Variants in OSBPL3 observed in about 807,000 individuals in gnomAD.
OSBPL3 encodes oxysterol-binding protein-related protein 3.
OSBPL3 carries 65 observed loss-of-function variants against 120.1 expected under a neutral mutation model. The ratio of observed to expected loss-of-function variants is 0.54; its 90% CI spans 0.44 to 0.67. The LOEUF (loss-of-function observed/expected upper bound fraction) is 0.67. Ranked by LOEUF, OSBPL3 falls within the 30% of genes least tolerant of loss-of-function variation. OSBPL3 has a pLI of 0.00. For synonymous variants in OSBPL3, 416 were observed against 402.6 expected (o/e 1.03, Z -0.40); for missense variants, 1,004 against 1,082.1 (o/e 0.93, Z 1.01).
Position 24,820,346 on chromosome 7 carries a change from T to G in OSBPL3, c.1885-108A>C. Reference sequence around the variant, plus strand: ...GATGTAACAGCGTGCAATGCTGAACTGAAGGAAAAACTTCTTTAGTTTCCC... The same window carrying G: ...GATGTAACAGCGTGCAATGCTGAACGGAAGGAAAAACTTCTTTAGTTTCCC... On this transcript the variant is annotated intron_variant, in intron 16 of 22. Transcript: ENST00000313367. This position sits in a 1 kb window ranked among gnomAD's most constrained non-coding sequence, Gnocchi z 4.6. 1.3e-6 allele frequency: 1 copy of G among 775,236 alleles called. No individual in the cohort carries two copies. Among genetic ancestry groups the G allele is most frequent in the Non-Finnish European group, 2.1e-6 (1 of 466,096 alleles). The allele number at this position is 775,236 out of a possible 1,614,324, so 48.0% of individuals were successfully genotyped here.
chr7:24,858,352 G>A (rs1295506200), intron 10 of OSBPL3, among the ~76,000 whole-genome samples: 4 of 152,206 alleles, frequency 2.6e-5, no homozygotes, highest in East Asian at 1.9e-4. Context: ...GTAACAAAAC[G>A]AGGTTTACAC....
At position 24,933,597 on chromosome 7, in the gene OSBPL3, T is replaced by G. The variant is rs1002793046; in HGVS notation, c.-149-40976A>C. On this transcript the variant is annotated intron_variant, in intron 1 of 22. Transcript: ENST00000313367. This position sits in a 1 kb window ranked among gnomAD's most constrained non-coding sequence, Gnocchi z 5.1. ...CTTAAATCATTAATATTTCCGATTATGCTTCCATTCCCAAGAAAAACTAGT... is the reference window on the plus strand; with the variant it reads ...CTTAAATCATTAATATTTCCGATTAGGCTTCCATTCCCAAGAAAAACTAGT... Among the ~76,000 whole-genome samples, 1 of 152,238 alleles carries G rather than the reference T, an allele frequency of 6.6e-6. No homozygotes were observed. Among genetic ancestry groups the G allele is most frequent in the African/African-American group, 2.4e-5 (1 of 41,470 alleles).
Position 24,819,189 on chromosome 7 carries a change from G to A in OSBPL3, c.1948+986C>T, listed in dbSNP as rs573135708. ...AATCACTTGAACACGGGAGACGGAG[G>A]TTGCAGTGAGCCGAGATCGCACCAC... is the stretch of plus-strand genomic sequence containing the variant. On this transcript the variant is annotated intron_variant, in intron 17 of 22. Coordinates refer to ENST00000313367, the MANE Select transcript of OSBPL3 (RefSeq NM_015550.4). This position sits in a 1 kb window ranked among gnomAD's most constrained non-coding sequence, Gnocchi z 4.1. Among the ~76,000 whole-genome samples the A allele has an allele frequency of 1.7e-3, 257 of 149,836 alleles. No individual in the cohort carries two copies. Among genetic ancestry groups the A allele is most frequent in the Middle Eastern group, 3.5e-3 (1 of 284 alleles).
Position 24,980,000 on chromosome 7 carries a change from G to C in OSBPL3, c.-264C>G. 2 of 985,494 alleles carry C rather than the reference G, an allele frequency of 2.0e-6. No homozygotes were observed. The highest frequency in any genetic ancestry group is 2.4e-6 in the Non-Finnish European group (2 of 830,014). 61.0% of individuals were successfully genotyped at this position (985,494 alleles called of 1,614,324 possible). ...TTCTCCGGTACCCCCGCAACGTGCAGCTGACAGCTCCCGCACCGGCCGCAG... is the reference window on the plus strand; with the variant it reads ...TTCTCCGGTACCCCCGCAACGTGCACCTGACAGCTCCCGCACCGGCCGCAG... On this transcript the variant is annotated 5_prime_UTR_variant, in exon 1 of 23. Coordinates refer to ENST00000313367, the MANE Select transcript of OSBPL3 (RefSeq NM_015550.4).
rs1800867606 is a variant in OSBPL3 at position 24,863,478 on chromosome 7, A to C, written c.777+18T>G. Reference sequence around the variant, plus strand: ...CAGAAGAGGGCCAGAATGTCAACAGAAGAGGAGTCCGGCTCACCTGGATGG... The same window carrying C: ...CAGAAGAGGGCCAGAATGTCAACAGCAGAGGAGTCCGGCTCACCTGGATGG... On this transcript the variant is annotated intron_variant, in intron 8 of 22. Coordinates refer to ENST00000313367, the MANE Select transcript of OSBPL3 (RefSeq NM_015550.4). This position sits in a 1 kb window ranked among gnomAD's most constrained non-coding sequence, Gnocchi z 5.8. 1 of 1,582,178 alleles carries C rather than the reference A, an allele frequency of 6.3e-7. No individual in the cohort carries two copies. The highest frequency in any genetic ancestry group is 8.7e-7 in the Non-Finnish European group (1 of 1,150,886).
chr7:24,842,351 G>A lies in OSBPL3; in HGVS notation c.1329C>T (p.Ser443=). 1 of 1,612,146 alleles carries A rather than the reference G, an allele frequency of 6.2e-7. No homozygotes were observed. The highest frequency in any genetic ancestry group is 8.5e-7 in the Non-Finnish European group (1 of 1,178,424). Residue 443 remains serine, a synonymous_variant, in exon 13 of 23, where the codon TCC becomes TCT. Coordinates refer to ENST00000313367, the MANE Select transcript of OSBPL3 (RefSeq NM_015550.4). The stretch of plus-strand genomic sequence containing the variant: ...AAAACTCAGAAAGGGAGTCAGTGAT[G>A]GAGAGTCTACTTTCATTAGAAAGCT... The part of the protein sequence containing the change: ...VHQLSNESRL[S]ITDSLSEFFD...
rs1802953090 is a variant in OSBPL3, at chr7:24,877,036, G to A, written c.97-4967C>T. ...CTTTATTTTTTTGCATGTGGAAACT[G>A]AGGAAGAGAGAATTAGATAACTTCC... On this transcript the variant is annotated intron_variant, in intron 2 of 22. Coordinates refer to ENST00000313367, the MANE Select transcript of OSBPL3 (RefSeq NM_015550.4). This position sits in a 1 kb window ranked among gnomAD's most constrained non-coding sequence, Gnocchi z 4.8. Among the ~76,000 whole-genome samples, 1 of 152,178 alleles carries A rather than the reference G, an allele frequency of 6.6e-6. No homozygotes were observed. Among genetic ancestry groups the A allele is most frequent in the South Asian group, 2.1e-4 (1 of 4,828 alleles).
chr7:24,905,130 T>C (rs968451123), intron 1 of OSBPL3, among the ~76,000 whole-genome samples: 1 of 143,866 alleles, frequency 7.0e-6, no homozygotes, highest in African/African-American at 2.5e-5. Context: ...CAGAGCCAGA[T>C]GCACAAATAG....
chr7:24,977,433 A>T (rs1244208304), intron 1 of OSBPL3, among the ~76,000 whole-genome samples: 1 of 152,250 alleles, frequency 6.6e-6, no homozygotes, highest in East Asian at 1.9e-4. Flanking sequence ...CGAGAATTGA[A>T]GTCAGACTAT....
chr7:24,816,710 T>C (rs1794516193), intron 17 of OSBPL3, 22 bp from the exon 18 acceptor site: 2 of 1,506,188 alleles, frequency 1.3e-6, no homozygotes, highest in East Asian at 2.3e-5. Flanking sequence ...TACCAAATAT[T>C]ACATTTTTAG....
intron 1 of OSBPL3, among the ~76,000 whole-genome samples, chr7:24,901,423 T>G (rs1310186846): frequency 6.6e-6 from 1 of 152,178 alleles, no homozygotes; most frequent in East Asian, 1.9e-4. Flanking sequence ...TTATCCTGAT[T>G]AAGAGCCATG....
chr7:24,854,409 A>C lies in OSBPL3; in HGVS notation c.1028-1775T>G, dbSNP rs1427460205. 6.6e-6 allele frequency among the ~76,000 whole-genome samples: 1 copy of C among 151,988 alleles called. No individual in the cohort carries two copies. Among genetic ancestry groups the C allele is most frequent in the Non-Finnish European group, 1.5e-5 (1 of 67,992 alleles). ...GCAAGGAGGACAACTAAACCTCTCT[A>C]TATGTTGTTGCTGAACTTGTCTGAG... On this transcript the variant is annotated intron_variant, in intron 10 of 22. Transcript: ENST00000313367. The surrounding 1 kb of genome is among the most constrained non-coding windows in gnomAD (Gnocchi z 4.1).
chr7:24,870,881 G>T, intron 4 of OSBPL3, 36 bp from the exon 5 acceptor site: 1 of 1,344,796 alleles, frequency 7.4e-7, no homozygotes, highest in Non-Finnish European at 1.1e-6. Flanking sequence ...TGGGGACCAT[G>T]GTGTTAGAAG....
At chr7:24,858,181 C>A (rs1055673556) in intron 10 of OSBPL3, among the ~76,000 whole-genome samples, 1 of 152,170 alleles carries the variant, frequency 6.6e-6, no homozygotes, top group Admixed American at 6.5e-5. Flanking sequence ...TGGTTCCCTA[C>A]CATTTGATCT....
intron 20 of OSBPL3, among the ~76,000 whole-genome samples, chr7:24,809,546 G>GA (rs1323645090): frequency 6.6e-6 from 1 of 152,142 alleles, no homozygotes; most frequent in African/African-American, 2.4e-5. Flanking sequence ...GATTCCCTCA[G>GA]AGAGTGCCCA....
At chr7:24,810,039 G>C in intron 19 of OSBPL3, 88 bp from the exon 20 acceptor site, 1 of 1,469,368 alleles carries the variant, frequency 6.8e-7, no homozygotes, top group Non-Finnish European at 9.4e-7. Context: ...GCTAGAGAAA[G>C]GACTGTAAGA....
intron 12 of OSBPL3, among the ~76,000 whole-genome samples, chr7:24,843,498 T>C (rs571808501): frequency 1.3e-5 from 2 of 152,302 alleles, no homozygotes; most frequent in African/African-American, 4.8e-5. Context: ...ATTGTCTGAA[T>C]TCAGGATATA....
intron 1 of OSBPL3, among the ~76,000 whole-genome samples, chr7:24,928,340 C>G (rs151286789): frequency 4.6e-5 from 7 of 151,958 alleles, no homozygotes; most frequent in Admixed American, 2.0e-4. Context: ...TATAGGCGCC[C>G]GCCACCACAC....
intron 1 of OSBPL3, among the ~76,000 whole-genome samples, chr7:24,977,300 G>A (rs1049440354): frequency 6.6e-6 from 1 of 152,134 alleles, no homozygotes; most frequent in Non-Finnish European, 1.5e-5. Flanking sequence ...GAGTCTCAGG[G>A]ATTCTGAAAA....
Sources: gnomAD v4.1 joint callset for allele counts (sites outside exome capture counted in the v4.1 genomes callset) on GRCh38, gnomAD v4.1.1 for gene constraint, Gnocchi (gnomAD v3.1) non-coding constraint, MANE v1.5 for transcripts, NCBI Gene and HGNC (gene_info 2026-07-23, HGNC 2026-07-21) for gene names.